CYP2C8: variants seen among roughly 807,000 people sequenced by gnomAD.
CYP2C8 encodes the protein cytochrome P450 family 2 subfamily C member 8.
In CYP2C8, 51 loss-of-function variants were observed where a neutral mutation model predicts 41.3. The observed-to-expected ratio is 1.24, with a 90% CI of 0.99 to 1.56. The LOEUF (loss-of-function observed/expected upper bound fraction) is 1.56. Ranked by LOEUF, CYP2C8 falls within the 40% of genes most tolerant of loss-of-function variation. The pLI is 0.00. For synonymous variants in CYP2C8, 218 were observed against 205.8 expected (o/e 1.06, Z -0.51); for missense variants, 651 against 579.9 (o/e 1.12, Z -1.26).
At chr10:95,067,877 G>A (rs975430858) in intron 1 of CYP2C8, among the ~76,000 whole-genome samples, 186 bp from the exon 2 acceptor site, 1 of 152,220 alleles carries the variant, frequency 6.6e-6, no homozygotes, top group Non-Finnish European at 1.5e-5. Context: ...TAGATGGCCT[G>A]TGATGTGCCA....
intron 5 of CYP2C8, among the ~76,000 whole-genome samples, chr10:95,049,118 G>GA (rs1205033485): frequency 1.3e-5 from 2 of 151,966 alleles, no homozygotes; most frequent in South Asian, 2.1e-4. Context: ...AAAACAGCAA[G>GA]AAAAAAATCC....
chr10:95,047,327 T>G (rs1349248969), intron 5 of CYP2C8, among the ~76,000 whole-genome samples: 1 of 152,186 alleles, frequency 6.6e-6, no homozygotes, highest in Non-Finnish European at 1.5e-5. Context: ...GAACACAATT[T>G]TAGTTTATAG....
At chr10:95,046,970 A>C (rs561879548) in intron 5 of CYP2C8, among the ~76,000 whole-genome samples, 2 of 152,256 alleles carry the variant, frequency 1.3e-5, no homozygotes, top group African/African-American at 4.8e-5. Flanking sequence ...GTGAGAGGTG[A>C]TTGGGTCATG....
At chr10:95,039,491 C>T (rs952725890) in intron 7 of CYP2C8, 6 of 173,806 alleles carry the variant, frequency 3.5e-5, no homozygotes, top group Admixed American at 3.4e-4. Context: ...ATGACAACCA[C>T]AAGTGCAATA....
At chr10:95,056,448 A>G (rs2033316252) in intron 5 of CYP2C8, among the ~76,000 whole-genome samples, 1 of 152,206 alleles carries the variant, frequency 6.6e-6, no homozygotes, top group African/African-American at 2.4e-5. Context: ...TTGTATACAA[A>G]TGTTCATAGC....
intron 7 of CYP2C8, 87 bp downstream of exon 7, chr10:95,042,803 A>G (rs1196386174): frequency 2.7e-6 from 3 of 1,116,228 alleles, no homozygotes; most frequent in Non-Finnish European, 1.4e-6. Context: ...CACTTCTCTC[A>G]TCTTGTGTTG....
intron 3 of CYP2C8, among the ~76,000 whole-genome samples, 195 bp downstream of exon 3, chr10:95,067,013 C>G (rs996415260): frequency 2.6e-5 from 4 of 152,024 alleles, no homozygotes; most frequent in African/African-American, 9.7e-5. Flanking sequence ...CCCTATGAAC[C>G]AACACATTTA....
Position 95,042,930 on chromosome 10 carries a change from A to C in CYP2C8, c.1109T>G (p.Val370Gly). ...GTTTCTGAACTTAGTATCAGTGGTC[A>C]CTGCATGGGGCACACCGGTGGGGAC... Reference protein sequence around the residue: ...DLVPTGVPHAVTTDTKFRNYL... With the variant: ...DLVPTGVPHAGTTDTKFRNYL... The change falls in exon 7 of 9, where the codon GTG (valine) becomes GGG (glycine). Residue 370 changes from valine (V) to glycine (G), a missense_variant. Transcript: ENST00000371270. 1 of 1,614,200 alleles carries C rather than the reference A, an allele frequency of 6.2e-7. No homozygotes were observed. The highest frequency in any genetic ancestry group is 1.7e-5 in the Admixed American group (1 of 60,034).
intron 3 of CYP2C8, among the ~76,000 whole-genome samples, 158 bp from the exon 4 acceptor site, chr10:95,065,118 C>G (rs1227518588): frequency 6.6e-6 from 1 of 152,140 alleles, no homozygotes; most frequent in Admixed American, 6.5e-5. Flanking sequence ...AAACACATTA[C>G]TTTTACCTTA....
At chr10:95,039,216 T>C in intron 7 of CYP2C8, 178 bp from the exon 8 acceptor site, 1 of 627,554 alleles carries the variant, frequency 1.6e-6, no homozygotes, top group South Asian at 1.8e-5. Context: ...TAAAGAGCTT[T>C]CCAATCACAT....
In CYP2C8 at chr10:95,067,659, C is replaced by T. The variant is rs1456046105; in HGVS notation, c.201G>A (p.Val67=). The change falls in exon 2 of 9, where the codon GTG becomes GTA. Residue 67 remains valine (V), a synonymous_variant. Coordinates refer to ENST00000371270, the MANE Select transcript of CYP2C8 (RefSeq NM_000770.3). ...FSKVYGPVFT[V]YFGMNPIVVF... ...CCACTATGGGATTCATGCCAAAATA[C>T]ACGGTGAACACAGGACCATAGACTT... The T allele has an allele frequency of 7.4e-6, 12 of 1,614,136 alleles. No individual in the cohort carries two copies. The highest frequency in any genetic ancestry group is 1.0e-5 in the Non-Finnish European group (12 of 1,180,040).
In CYP2C8 at chr10:95,064,908, G is replaced by C; in HGVS notation, c.534C>G (p.Ile178Met). ...FILGCAPCNV[I>M]CSVVFQKRFD... Reference sequence around the variant, plus strand: ...ATCGTTTCTGGAAAACAACGGAGCAGATCACATTGCAGGGAGCACAGCCCA... The same window carrying C: ...ATCGTTTCTGGAAAACAACGGAGCACATCACATTGCAGGGAGCACAGCCCA... Residue 178 changes from isoleucine (I) to methionine (M), a missense_variant, in exon 4 of 9, where the codon ATC becomes ATG. By Grantham distance (10) the Ile-to-Met change is conservative. Transcript: ENST00000371270. 6.2e-7 allele frequency: 1 copy of C among 1,613,318 alleles called. No homozygotes were observed. Among genetic ancestry groups the C allele is most frequent in the Non-Finnish European group, 8.5e-7 (1 of 1,179,942 alleles).
At position 95,064,676 on chromosome 10, in the gene CYP2C8, C is replaced by T. The variant is rs193022420; in HGVS notation, c.642+124G>A. 771 of 942,250 alleles carry T rather than the reference C, an allele frequency of 8.2e-4. 1 individual carries two copies. The highest frequency in any genetic ancestry group is 1.9e-3 in the Middle Eastern group (6 of 3,168). 58.4% of individuals were successfully genotyped at this position (942,250 alleles called of 1,614,324 possible). On this transcript the variant is annotated intron_variant, in intron 4 of 8. Coordinates refer to ENST00000371270, the MANE Select transcript of CYP2C8 (RefSeq NM_000770.3). ...GGAAATCAAAGGTGGTAATTATTTT[C>T]TTCACTCATACATCATTTTTATTGT... is the stretch of plus-strand genomic sequence containing the variant.
intron 4 of CYP2C8, among the ~76,000 whole-genome samples, chr10:95,060,279 G>T (rs1281461467): frequency 6.6e-6 from 1 of 152,174 alleles, no homozygotes; most frequent in East Asian, 1.9e-4. Flanking sequence ...CCATGAGCAT[G>T]GAATGTTCTT....
intron 7 of CYP2C8, among the ~76,000 whole-genome samples, chr10:95,041,682 G>A (rs564614079): frequency 6.6e-6 from 1 of 151,448 alleles, no homozygotes; most frequent in South Asian, 2.1e-4. Flanking sequence ...TCGGGAGGCT[G>A]AGGCAGGAGA....
At chr10:95,042,767 T>A (rs2033028172) in intron 7 of CYP2C8, 123 bp downstream of exon 7, 6 of 837,990 alleles carry the variant, frequency 7.2e-6, no homozygotes, top group Middle Eastern at 2.4e-4. Flanking sequence ...AGAAAGTCCA[T>A]CAAGCTGCCA....
intron 5 of CYP2C8, among the ~76,000 whole-genome samples, chr10:95,056,812 G>C (rs2033323253): frequency 1.3e-5 from 2 of 152,164 alleles, no homozygotes; most frequent in African/African-American, 4.8e-5. Context: ...AAGTAGAGAG[G>C]AATGGTAGTT....
chr10:95,039,596 CTT>C (rs1471689620), intron 7 of CYP2C8, among the ~76,000 whole-genome samples: 5 of 152,178 alleles, frequency 3.3e-5, no homozygotes, highest in African/African-American at 1.2e-4. Flanking sequence ...AAGATTATCA[CTT>C]TGCAACAATT....
intron 4 of CYP2C8, among the ~76,000 whole-genome samples, chr10:95,064,388 G>A (rs2033512145): frequency 6.6e-6 from 1 of 152,134 alleles, no homozygotes; most frequent in Non-Finnish European, 1.5e-5. Context: ...CTGCTGTGCT[G>A]GCAATGAGTG....
Sources: allele counts gnomAD v4.1 joint callset (sites outside exome capture counted in the v4.1 genomes callset), GRCh38; gene constraint gnomAD v4.1.1; transcripts MANE v1.5; gene names NCBI Gene and HGNC (gene_info 2026-07-23, HGNC 2026-07-21).